FPGS: variants seen among roughly 807,000 people sequenced by gnomAD.
The protein encoded by FPGS is folylpolyglutamate synthase, mitochondrial.
FPGS carries 53 observed loss-of-function variants against 66.5 expected under a neutral mutation model. That is an observed-to-expected ratio of 0.80 (90% CI 0.64 to 1.00). The LOEUF is 1.00. Among genes scored for constraint, FPGS ranks in the 50% least tolerant of loss-of-function variants. The pLI, the probability that FPGS is intolerant of heterozygous loss-of-function variation, is 0.00. For missense variants in FPGS, 702 were observed against 807.7 expected, an observed-to-expected ratio of 0.87 and a Z score of 1.59; for synonymous variants, 348 against 350.9, an observed-to-expected ratio of 0.99 and a Z score of 0.09.
Position 127,810,020 on chromosome 9 carries a change from C to T in FPGS, c.1212-11C>T. On this transcript the variant is annotated splice_polypyrimidine_tract_variant and intron_variant, in intron 12 of 14. Coordinates refer to ENST00000373247, the MANE Select transcript of FPGS (RefSeq NM_004957.6). ...GGCGCCCTTTGACCCAGCTCCTCACCTCTGTCGCAGTGGCCCCGAGGTTCG... is the reference window on the plus strand; with the variant it reads ...GGCGCCCTTTGACCCAGCTCCTCACTTCTGTCGCAGTGGCCCCGAGGTTCG... The T allele has an allele frequency of 6.2e-7, 1 of 1,609,158 alleles. No homozygotes were observed.
intron 11 of FPGS, among the ~76,000 whole-genome samples, chr9:127,809,384 G>A (rs991244651): frequency 1.3e-5 from 2 of 152,206 alleles, no homozygotes; most frequent in African/African-American, 4.8e-5. Flanking sequence ...TCAAGGGCAA[G>A]TGACAAGGTC....
At chr9:127,806,121 C>G (rs989369307) in intron 4 of FPGS, among the ~76,000 whole-genome samples, 3 of 152,218 alleles carry the variant, frequency 2.0e-5, no homozygotes, top group Non-Finnish European at 4.4e-5. Flanking sequence ...GTAATCCCAG[C>G]ACTTTGGGAG....
chr9:127,803,354 G>T, intron 1 of FPGS: 1 of 1,152,488 alleles, frequency 8.7e-7, no homozygotes, highest in South Asian at 4.0e-5. Flanking sequence ...GGTGCTTCTG[G>T]AGTTCCAGTG....
chr9:127,806,944 A>C, intron 4 of FPGS, 29 bp from the exon 5 acceptor site: 1 of 1,546,354 alleles, frequency 6.5e-7, no homozygotes, highest in Non-Finnish European at 8.9e-7. Context: ...TCGGGAAGGG[A>C]GTCCTGATGA....
chr9:127,803,326 G>A, intron 1 of FPGS: 1 of 1,197,798 alleles, frequency 8.3e-7, no homozygotes, highest in South Asian at 3.6e-5. Context: ...CTAGGATCCA[G>A]AAGCCCAGAG....
At chr9:127,811,045 G>GC (rs1490555524) in intron 14 of FPGS, 34 bp downstream of exon 14, 1 of 1,399,272 alleles carries the variant, frequency 7.1e-7, no homozygotes, top group East Asian at 2.4e-5. Context: ...CTGGGGATGA[G>GC]CAGGGGTCCC....
At position 127,810,033 on chromosome 9, in the gene FPGS, G is replaced by T. The variant is rs1012820944; in HGVS notation, c.1214G>T (p.Gly405Val). ...CCAGCTCCTCACCTCTGTCGCAGTG[G>T]CCCCGAGGTTCGAGTCTTGCTCTTC... ...ALQGRERPSG[G>V]PEVRVLLFNA... is the part of the protein sequence containing the mutation. Residue 405 changes from glycine to valine, a missense_variant and splice_region_variant, in exon 13 of 15, where the codon GGC (glycine) becomes GTC (valine). Physicochemically the swap from Gly to Val is moderately radical, Grantham distance 109. Coordinates refer to ENST00000373247, the MANE Select transcript of FPGS (RefSeq NM_004957.6). 8 of 1,611,268 alleles carry T rather than the reference G, an allele frequency of 5.0e-6. No homozygotes were observed. Among genetic ancestry groups the T allele is most frequent in the Middle Eastern group, 1.7e-4 (1 of 5,886 alleles).
chr9:127,803,148 G>C (rs1829671569), intron 1 of FPGS, 86 bp downstream of exon 1: 6 of 1,263,728 alleles, frequency 4.7e-6, no homozygotes, highest in Admixed American at 4.2e-5. Context: ...GGCTCCGCTA[G>C]CCGAGAGGGT....
chr9:127,804,638 C>A lies in FPGS; in HGVS notation c.324C>A (p.Gly108=). Residue 108 remains glycine, a splice_region_variant and synonymous_variant, in exon 4 of 15, where the codon GGC becomes GGA. Transcript: ENST00000373247. Reference sequence around the variant, plus strand: ...CAGACAATCCCTTTTCTTTCAAGGGCTCCACCTGTGCCTTCACGGAATGTA... The same window carrying A: ...CAGACAATCCCTTTTCTTTCAAGGGATCCACCTGTGCCTTCACGGAATGTA... ...IIHVTGTKGK[G]STCAFTECIL... is the part of the protein sequence containing the mutation. 6.2e-7 allele frequency: 1 copy of A among 1,614,160 alleles called. No individual in the cohort carries two copies. Among genetic ancestry groups the A allele is most frequent in the South Asian group, 1.1e-5 (1 of 91,082 alleles).
At chr9:127,813,100 C>T (rs1210204032) in intron 14 of FPGS, 95 bp from the exon 15 acceptor site, 18 of 1,485,898 alleles carry the variant, frequency 1.2e-5, no homozygotes, top group Admixed American at 9.5e-5. Flanking sequence ...AGGCTTGGTG[C>T]GAAGCAGGTG....
At chr9:127,810,681 C>A (rs186297502) in intron 13 of FPGS, among the ~76,000 whole-genome samples, 214 of 152,290 alleles carry the variant, frequency 1.4e-3, no homozygotes, top group African/African-American at 4.8e-3. Flanking sequence ...ATCTGAGTGA[C>A]CTTCAGCAAG....
At chr9:127,809,466 C>T (rs1280812345) in intron 11 of FPGS, among the ~76,000 whole-genome samples, 2 of 152,302 alleles carry the variant, frequency 1.3e-5, no homozygotes, top group African/African-American at 4.8e-5. Flanking sequence ...ACGGGAATAG[C>T]AGGCCCTTTC....
At position 127,813,902 on chromosome 9, in the gene FPGS, C is replaced by G; in HGVS notation, c.*298C>G. 8.4e-7 allele frequency: 1 copy of G among 1,183,882 alleles called. No individual in the cohort carries two copies. The highest frequency in any genetic ancestry group is 1.0e-6 in the Non-Finnish European group (1 of 957,678). 73.3% of individuals were successfully genotyped at this position (1,183,882 alleles called of 1,614,324 possible). The stretch of plus-strand genomic sequence containing the variant: ...CGCCTGCCTCCTGGCTCAGGCCCAG[C>G]TTATTGTGTGCGCTGCCTGGCCAGG... On this transcript the variant is annotated 3_prime_UTR_variant, in exon 15 of 15. Coordinates refer to ENST00000373247, the MANE Select transcript of FPGS (RefSeq NM_004957.6).
chr9:127,813,138 C>A (rs914022121), intron 14 of FPGS, 57 bp from the exon 15 acceptor site: 1 of 1,512,864 alleles, frequency 6.6e-7, no homozygotes, highest in Non-Finnish European at 8.9e-7. Context: ...CCTTTCTCCA[C>A]CCCTGTCCCT....
At position 127,808,908 on chromosome 9, in the gene FPGS, C is replaced by T; in HGVS notation, c.1060+19C>T. 6 of 1,539,768 alleles carry T rather than the reference C, an allele frequency of 3.9e-6. No homozygotes were observed. The highest frequency in any genetic ancestry group is 1.2e-5 in the South Asian group (1 of 83,904). Reference sequence around the variant, plus strand: ...CGGCTCGGTGAGTTAGACCTTCCTGCCCAGCTGGGACCACTGCGTGTGTCT... The same window carrying T: ...CGGCTCGGTGAGTTAGACCTTCCTGTCCAGCTGGGACCACTGCGTGTGTCT... On this transcript the variant is annotated intron_variant, in intron 11 of 14. Coordinates refer to ENST00000373247, the MANE Select transcript of FPGS (RefSeq NM_004957.6).
At chr9:127,812,747 G>C (rs953790167) in intron 14 of FPGS, among the ~76,000 whole-genome samples, 4 of 152,116 alleles carry the variant, frequency 2.6e-5, no homozygotes, top group African/African-American at 7.2e-5. Context: ...GGCTGATCTT[G>C]AACTCTTGAC....
chr9:127,802,872 G>T, upstream of FPGS: 1 of 1,282,304 alleles, frequency 7.8e-7, no homozygotes. Flanking sequence ...GGCTGGGGGC[G>T]GGGCGGGGCG....
chr9:127,808,141 A>G (rs1408716958), intron 8 of FPGS, 93 bp from the exon 9 acceptor site: 9 of 874,106 alleles, frequency 1.0e-5, no homozygotes, highest in African/African-American at 1.7e-5. Context: ...GGGATGAGAG[A>G]CAGTGGTAGC....
At chr9:127,808,130 A>G in intron 8 of FPGS, 104 bp from the exon 9 acceptor site, 1 of 808,172 alleles carries the variant, frequency 1.2e-6, no homozygotes, top group Non-Finnish European at 2.1e-6. Flanking sequence ...AAGAAACATG[A>G]GGGATGAGAG....
Sources: gnomAD v4.1 joint callset for allele counts (sites outside exome capture counted in the v4.1 genomes callset) on GRCh38, gnomAD v4.1.1 for gene constraint, MANE v1.5 for transcripts, NCBI Gene and HGNC (gene_info 2026-07-23, HGNC 2026-07-21) for gene names.